Variants in GRAMD1B observed in about 807,000 individuals in gnomAD.
GRAMD1B encodes the protein GRAM domain containing 1B, also known as protein Aster-B.
In GRAMD1B, 37 loss-of-function variants were observed where a neutral mutation model predicts 99.7. That is an observed-to-expected ratio of 0.37 (90% CI 0.29 to 0.49). The LOEUF (loss-of-function observed/expected upper bound fraction) is 0.49, where lower values mean the gene tolerates loss of function less well. Among genes scored for constraint, GRAMD1B ranks in the 20% least tolerant of loss-of-function variants. The pLI, the probability that GRAMD1B is intolerant of heterozygous loss-of-function variation, is 0.98. For synonymous variants in GRAMD1B, 427 were observed against 387.6 expected, an observed-to-expected ratio of 1.10 and a Z score of -1.19; for missense variants, 888 against 1,009.2, an observed-to-expected ratio of 0.88 and a Z score of 1.63.
intron 19 of GRAMD1B, among the ~76,000 whole-genome samples, chr11:123,621,038 A>G (rs1479645240): frequency 6.6e-6 from 1 of 152,188 alleles, no homozygotes; most frequent in African/African-American, 2.4e-5. Context: ...TGTCAGATTT[A>G]TAGCCTAGTG....
intron 1 of GRAMD1B, among the ~76,000 whole-genome samples, chr11:123,457,348 A>G (rs74724591): frequency 6.6e-6 from 1 of 152,136 alleles, no homozygotes; most frequent in East Asian, 1.9e-4. Context: ...TTGTTCTTAG[A>G]CTGCTATTCT....
intron 2 of GRAMD1B, among the ~76,000 whole-genome samples, chr11:123,543,806 G>C (rs1482034126): frequency 1.3e-5 from 2 of 152,162 alleles, no homozygotes; most frequent in East Asian, 3.9e-4. Flanking sequence ...TCAGCCCGCT[G>C]CCTGTTTTTG....
In GRAMD1B at chr11:123,430,624, C is replaced by CCGCGTCCCCT. The variant is rs1219370348; in HGVS notation, c.-160_-151dup. The CCGCGTCCCCT allele has an allele frequency of 3.7e-5, 18 of 487,034 alleles. No individual in the cohort carries two copies. Among genetic ancestry groups the CCGCGTCCCCT allele is most frequent in the African/African-American group, 3.5e-4 (17 of 48,934 alleles). 30.2% of individuals were successfully genotyped at this position (487,034 alleles called of 1,614,324 possible). On this transcript the variant is annotated 5_prime_UTR_variant, in exon 1 of 20. Transcript: ENST00000635736. Reference sequence around the variant, plus strand: ...AGACTCCGGGCGGCGGCGCGCTACGCCGCGTCCCCTCGCGTCCCTTCCTCG... The same window carrying CCGCGTCCCCT: ...AGACTCCGGGCGGCGGCGCGCTACGCCGCGTCCCCTCGCGTCCCCTCGCGTCCCTTCCTCG...
intron 1 of GRAMD1B, among the ~76,000 whole-genome samples, chr11:123,411,704 G>A (rs1366891288): frequency 1.3e-5 from 2 of 152,020 alleles, no homozygotes; most frequent in African/African-American, 2.4e-5. Flanking sequence ...ACACAGGCTG[G>A]AGTGCAGAAC....
At chr11:123,603,243 G>A (rs1259022756) in intron 8 of GRAMD1B, among the ~76,000 whole-genome samples, 183 bp from the exon 9 acceptor site, 1 of 152,208 alleles carries the variant, frequency 6.6e-6, no homozygotes, top group Admixed American at 6.5e-5. Context: ...CACATTCCTA[G>A]GCAGAAGACT....
chr11:123,402,312 C>T (rs574918439), intron 1 of GRAMD1B, among the ~76,000 whole-genome samples: 10 of 152,276 alleles, frequency 6.6e-5, no homozygotes, highest in Non-Finnish European at 1.0e-4. Flanking sequence ...CCACCACGCC[C>T]GGCCAAGGAC....
At chr11:123,494,668 C>A (rs1366970030) in intron 2 of GRAMD1B, among the ~76,000 whole-genome samples, 2 of 152,160 alleles carry the variant, frequency 1.3e-5, no homozygotes, top group African/African-American at 2.4e-5. Flanking sequence ...TATAGCTCAG[C>A]AAACTCCTCT....
chr11:123,551,409 C>T (rs1010728003), intron 2 of GRAMD1B, among the ~76,000 whole-genome samples: 2 of 152,184 alleles, frequency 1.3e-5, no homozygotes, highest in African/African-American at 4.8e-5. Context: ...GACAGGGACT[C>T]TACGATGTTG....
chr11:123,606,902 G>A (rs1413020944), intron 11 of GRAMD1B, 104 bp downstream of exon 11: 1 of 837,174 alleles, frequency 1.2e-6, no homozygotes, highest in Admixed American at 2.3e-5. Context: ...TCCTGGTGGA[G>A]AGATGGGAGC....
At chr11:123,600,140 A>G (rs1342820935) in intron 7 of GRAMD1B, among the ~76,000 whole-genome samples, 1 of 152,214 alleles carries the variant, frequency 6.6e-6, no homozygotes, top group East Asian at 1.9e-4. Flanking sequence ...AGGCTAGTTC[A>G]TAGCTCACCC....
intron 1 of GRAMD1B, among the ~76,000 whole-genome samples, chr11:123,476,595 G>T (rs1470692919): frequency 6.6e-6 from 1 of 152,160 alleles, no homozygotes; most frequent in African/African-American, 2.4e-5. Flanking sequence ...TCCAACAGAG[G>T]TGTCCACCAG....
At chr11:123,456,029 G>A (rs911444505) in intron 1 of GRAMD1B, among the ~76,000 whole-genome samples, 2 of 152,060 alleles carry the variant, frequency 1.3e-5, no homozygotes, top group Admixed American at 6.6e-5. Context: ...AAATTAGCTG[G>A]GTGTGGTGGC....
chr11:123,440,114 A>T (rs1267507444), intron 1 of GRAMD1B, among the ~76,000 whole-genome samples: 1 of 152,072 alleles, frequency 6.6e-6, no homozygotes, highest in Non-Finnish European at 1.5e-5. Flanking sequence ...CATTTTTGAG[A>T]CTCTCCAAGA....
At chr11:123,475,565 C>T (rs1273878658) in intron 1 of GRAMD1B, among the ~76,000 whole-genome samples, 1 of 152,190 alleles carries the variant, frequency 6.6e-6, no homozygotes, top group Non-Finnish European at 1.5e-5. Flanking sequence ...CTGTCTTGAG[C>T]GAATGGCAAG....
intron 2 of GRAMD1B, among the ~76,000 whole-genome samples, chr11:123,483,040 A>T (rs1411921536): frequency 6.6e-6 from 1 of 152,068 alleles, no homozygotes; most frequent in Non-Finnish European, 1.5e-5. Flanking sequence ...TGGGTGGAAA[A>T]AAAAAAAAAG....
At chr11:123,373,053 C>T (rs1024894067) in intron 1 of GRAMD1B, among the ~76,000 whole-genome samples, 2 of 152,160 alleles carry the variant, frequency 1.3e-5, no homozygotes, top group Admixed American at 6.5e-5. Flanking sequence ...GCATGAGAAT[C>T]GCTTAAGTCC....
At position 123,584,812 on chromosome 11, in the gene GRAMD1B, G is replaced by A. The variant is rs139143348; in HGVS notation, c.684+480G>A. Among the ~76,000 whole-genome samples the A allele has an allele frequency of 3.6e-3, 546 of 152,278 alleles. 6 individuals carry two copies. Among genetic ancestry groups the A allele is most frequent in the South Asian group, 0.016 (78 of 4,828 alleles). ...GTACCCCTTCAACAGCTGCAAAAGC[G>A]TGCCCTTCCTACAAGGCCTCCTGGT... On this transcript the variant is annotated intron_variant, in intron 4 of 19. Transcript: ENST00000635736.
At chr11:123,434,840 A>G (rs1361151540) in intron 1 of GRAMD1B, among the ~76,000 whole-genome samples, 2 of 152,176 alleles carry the variant, frequency 1.3e-5, no homozygotes, top group African/African-American at 4.8e-5. Flanking sequence ...GGAACATTGG[A>G]CTTAATATCA....
chr11:123,613,111 A>C, intron 15 of GRAMD1B: 1 of 558,304 alleles, frequency 1.8e-6, no homozygotes. Flanking sequence ...AACACCCCTC[A>C]CCCCAAAAGG....
Sources: allele counts gnomAD v4.1 joint callset (sites outside exome capture counted in the v4.1 genomes callset), GRCh38; gene constraint gnomAD v4.1.1; transcripts MANE v1.5; gene names NCBI Gene and HGNC (gene_info 2026-07-23, HGNC 2026-07-21).